ZSWIM4: variants seen among roughly 807,000 people sequenced by gnomAD.
ZSWIM4 encodes the protein zinc finger SWIM-type containing 4, also known as zinc finger SWIM domain-containing protein 4.
ZSWIM4 carries 62 observed loss-of-function variants against 102.5 expected under a neutral mutation model. The observed-to-expected ratio is 0.60, with a 90% CI of 0.49 to 0.75. The LOEUF is 0.75. ZSWIM4 is among the 30% of genes least tolerant of loss of function. ZSWIM4 has a pLI of 0.00. For missense variants in ZSWIM4, 1,280 were observed against 1,529.6 expected, an observed-to-expected ratio of 0.84 and a Z score of 2.72; for synonymous variants, 652 against 674.5, an observed-to-expected ratio of 0.97 and a Z score of 0.52.
At chr19:13,822,667 AC>A (rs1975497752) in intron 10 of ZSWIM4, among the ~76,000 whole-genome samples, 1 of 152,102 alleles carries the variant, frequency 6.6e-6, no homozygotes, top group Non-Finnish European at 1.5e-5. Flanking sequence ...ACATGATGCA[AC>A]CCCATGTCTA....
intron 1 of ZSWIM4, chr19:13,797,002 C>T (rs1447975833): frequency 6.6e-6 from 1 of 152,380 alleles, no homozygotes; most frequent in African/African-American, 2.4e-5. Context: ...ATTGCCTCTC[C>T]CACTTCCCCT....
rs992516298 is a variant in ZSWIM4, at chr19:13,825,946, G to A, written c.2379+233G>A. The stretch of plus-strand genomic sequence containing the variant: ...CCTGAGTGTGGGCCACTTCCTTGGG[G>A]GCGTGGCATGAGTGAGCCACTCCCC... On this transcript the variant is annotated intron_variant, in intron 12 of 13. Coordinates refer to ENST00000590508, the MANE Select transcript of ZSWIM4 (RefSeq NM_001367834.3). This position sits in a 1 kb window ranked among gnomAD's most constrained non-coding sequence, Gnocchi z 4.6. Among the ~76,000 whole-genome samples, 2 of 152,164 alleles carry A rather than the reference G, an allele frequency of 1.3e-5. No homozygotes were observed. Among genetic ancestry groups the A allele is most frequent in the African/African-American group, 4.8e-5 (2 of 41,438 alleles).
At chr19:13,808,751 A>G in intron 3 of ZSWIM4, 85 bp from the exon 4 acceptor site, 1 of 1,354,092 alleles carries the variant, frequency 7.4e-7, no homozygotes, top group Non-Finnish European at 9.7e-7. Context: ...AAAAAAAAAA[A>G]AAAAAAAAAA....
At chr19:13,824,863 C>T (rs899701285) in intron 11 of ZSWIM4, among the ~76,000 whole-genome samples, 5 of 151,880 alleles carry the variant, frequency 3.3e-5, no homozygotes, top group Non-Finnish European at 7.4e-5. Context: ...GGTTCCATTG[C>T]CTGAGTGTTA....
intron 12 of ZSWIM4, among the ~76,000 whole-genome samples, chr19:13,827,746 C>T (rs1208798430): frequency 6.6e-6 from 1 of 152,082 alleles, no homozygotes; most frequent in Non-Finnish European, 1.5e-5. Flanking sequence ...TCAGAGGCTA[C>T]TCAAGAGGTA....
Position 13,823,459 on chromosome 19 carries a change from G to T in ZSWIM4, c.2174G>T (p.Arg725Leu). Residue 725 changes from arginine (R) to leucine (L), a missense_variant, in exon 11 of 14, where the codon CGC becomes CTC. Physicochemically the swap from Arg to Leu is moderately radical, Grantham distance 102. Coordinates refer to ENST00000590508, the MANE Select transcript of ZSWIM4 (RefSeq NM_001367834.3). Reference sequence around the variant, plus strand: ...TTCATCCTTGGCCACCTGGAGACCCGCCAGTGTGAACTGGCTTCCACCATG... The same window carrying T: ...TTCATCCTTGGCCACCTGGAGACCCTCCAGTGTGAACTGGCTTCCACCATG... ...RWFILGHLET[R>L]QCELASTMLT... is the part of the protein sequence containing the mutation. 1 of 1,590,412 alleles carries T rather than the reference G, an allele frequency of 6.3e-7. No homozygotes were observed. Among genetic ancestry groups the T allele is most frequent in the East Asian group, 2.3e-5 (1 of 43,212 alleles).
At chr19:13,826,232 G>A (rs955892882) in intron 12 of ZSWIM4, among the ~76,000 whole-genome samples, 2 of 152,106 alleles carry the variant, frequency 1.3e-5, no homozygotes, top group African/African-American at 4.8e-5. Context: ...CTGCAAGCCA[G>A]CAGATGGATC....
chr19:13,817,647 T>C (rs1975330833), intron 8 of ZSWIM4, 75 bp from the exon 9 acceptor site: 2 of 1,549,380 alleles, frequency 1.3e-6, no homozygotes, highest in South Asian at 1.2e-5. Context: ...CAGGTCTCCA[T>C]GCTTGAGGCC....
chr19:13,804,208 C>T (rs913597180), intron 2 of ZSWIM4, among the ~76,000 whole-genome samples: 23 of 151,960 alleles, frequency 1.5e-4, no homozygotes, highest in Admixed American at 1.2e-3. Context: ...CCGTGGCCCA[C>T]GCCTGTAATC....
chr19:13,808,715 G>A, intron 3 of ZSWIM4, 121 bp from the exon 4 acceptor site: 1 of 1,109,664 alleles, frequency 9.0e-7, no homozygotes, highest in East Asian at 2.6e-5. Flanking sequence ...CTCCAGCCTG[G>A]GCAAGAAGAG....
At chr19:13,829,437 A>C (rs573663563) in intron 13 of ZSWIM4, among the ~76,000 whole-genome samples, 2 of 152,264 alleles carry the variant, frequency 1.3e-5, no homozygotes, top group South Asian at 4.1e-4. Context: ...CTAAAAATAC[A>C]AAAATTAGCC....
At chr19:13,828,528 G>C in intron 12 of ZSWIM4, 117 bp from the exon 13 acceptor site, 1 of 757,702 alleles carries the variant, frequency 1.3e-6, no homozygotes, top group Non-Finnish European at 2.2e-6. Context: ...ACTTACCCGG[G>C]TTCATTGGAT....
At position 13,831,375 on chromosome 19, in the gene ZSWIM4, G is replaced by T; in HGVS notation, c.*325G>T. The T allele has an allele frequency of 3.9e-6, 1 of 258,580 alleles. No individual in the cohort carries two copies. Among genetic ancestry groups the T allele is most frequent in the Non-Finnish European group, 7.3e-6 (1 of 136,336 alleles). 16.0% of individuals were successfully genotyped at this position (258,580 alleles called of 1,614,324 possible). A position where few individuals can be genotyped will look rare whatever the true frequency, so the allele number is the denominator to read the frequency against. On this transcript the variant is annotated 3_prime_UTR_variant, in exon 14 of 14. Coordinates refer to ENST00000590508, the MANE Select transcript of ZSWIM4 (RefSeq NM_001367834.3). Reference sequence around the variant, plus strand: ...CCCAGACTGGCTTGGGCTCCAGGAGGGAGGCTGGGAGGCAGGACTTTCCAG... The same window carrying T: ...CCCAGACTGGCTTGGGCTCCAGGAGTGAGGCTGGGAGGCAGGACTTTCCAG...
At chr19:13,804,469 C>CAAATAAAT (rs538890080) in intron 2 of ZSWIM4, among the ~76,000 whole-genome samples, 22 of 149,978 alleles carry the variant, frequency 1.5e-4, no homozygotes, top group African/African-American at 2.5e-4. Context: ...AGCTCTGTCC[C>CAAATAAAT]AAATAAATAA....
chr19:13,802,263 A>T (rs982713677), intron 2 of ZSWIM4, among the ~76,000 whole-genome samples: 3 of 142,440 alleles, frequency 2.1e-5, no homozygotes, highest in Non-Finnish European at 4.5e-5. Context: ...GGCATGAGCC[A>T]CCACGCCTGG....
chr19:13,804,287 A>G (rs1974852098), intron 2 of ZSWIM4, among the ~76,000 whole-genome samples: 1 of 151,852 alleles, frequency 6.6e-6, no homozygotes, highest in African/African-American at 2.4e-5. Flanking sequence ...CCTGACCAAC[A>G]TGGAGAAACC....
intron 5 of ZSWIM4, among the ~76,000 whole-genome samples, chr19:13,810,909 CTTTT>C (rs58776366): frequency 2.1e-5 from 2 of 94,120 alleles, no homozygotes; most frequent in African/African-American, 8.8e-5. Flanking sequence ...CACGCCCAGC[CTTTT>C]TTTTTTTTTT....
chr19:13,820,013 G>A (rs1482779945), intron 10 of ZSWIM4, among the ~76,000 whole-genome samples: 3 of 151,686 alleles, frequency 2.0e-5, no homozygotes, highest in South Asian at 2.1e-4. Flanking sequence ...CCGCCACCAC[G>A]CCCGGCTAAT....
In ZSWIM4 at chr19:13,814,714, G is replaced by C. The variant is rs1195542514; in HGVS notation, c.1380G>C (p.Leu460=). Residue 460 remains leucine, a synonymous_variant, in exon 7 of 14, where the codon CTG becomes CTC. Transcript: ENST00000590508. Reference sequence around the variant, plus strand: ...ACCCCCAGGGCCGCCCACTGTGGCTGGGAGAACCTTTCCCCACTGCCTGTG... The same window carrying C: ...ACCCCCAGGGCCGCCCACTGTGGCTCGGAGAACCTTTCCCCACTGCCTGTG... ...TFDPQGRPLW[L]GEPFPTACAR... 15 of 1,288,380 alleles carry C rather than the reference G, an allele frequency of 1.2e-5. No homozygotes were observed. Among genetic ancestry groups the C allele is most frequent in the Non-Finnish European group, 1.4e-5 (14 of 987,806 alleles). The allele number at this position is 1,288,380 out of a possible 1,614,324, so 79.8% of individuals were successfully genotyped here.
Sources: allele counts gnomAD v4.1 joint callset (sites outside exome capture counted in the v4.1 genomes callset), GRCh38; gene constraint gnomAD v4.1.1; non-coding constraint Gnocchi (gnomAD v3.1); transcripts MANE v1.5; gene names NCBI Gene and HGNC (gene_info 2026-07-23, HGNC 2026-07-21).